The following RSAD1 variants were observed in gnomAD, a reference collection of about 807,000 sequenced individuals.
The protein encoded by RSAD1 is radical S-adenosyl methionine domain-containing protein 1, mitochondrial.
A neutral mutation model predicts 46.2 loss-of-function variants in RSAD1; 34 were observed. The observed-to-expected ratio is 0.74, with a 90% CI of 0.56 to 0.98. The LOEUF is 0.98. RSAD1 is among the 50% of genes least tolerant of loss of function. The pLI, the probability that RSAD1 is intolerant of heterozygous loss-of-function variation, is 0.00. For missense variants in RSAD1, 635 were observed against 592.3 expected (o/e 1.07, Z -0.75); for synonymous variants, 260 against 253.5 (o/e 1.03, Z -0.24).
At chr17:50,484,293 G>T in intron 7 of RSAD1, 149 bp from the exon 8 acceptor site, 1 of 642,306 alleles carries the variant, frequency 1.6e-6, no homozygotes, top group Non-Finnish European at 2.7e-6. Flanking sequence ...CCTCCCTGCT[G>T]GCCCATTGGC....
Position 50,480,336 on chromosome 17 carries a change from G to T in RSAD1, c.474+252G>T, listed in dbSNP as rs945166392. On this transcript the variant is annotated intron_variant, in intron 3 of 8. Transcript: ENST00000258955. ...TACCATAGTGCCTGGCACATAGTAG[G>T]TGGTCAAAAAAGATTTGCTACATGA... 12 of 522,754 alleles carry T rather than the reference G, an allele frequency of 2.3e-5. No individual in the cohort carries two copies. The Admixed American group carries it at 3.6e-4, about 16-fold the overall frequency. 32.4% of individuals were successfully genotyped at this position (522,754 alleles called of 1,614,324 possible). A position where few individuals can be genotyped will look rare whatever the true frequency, so the allele number is the denominator to read the frequency against.
At chr17:50,479,578 T>C (rs2033353217) in intron 1 of RSAD1, 51 bp from the exon 2 acceptor site, 3 of 1,609,794 alleles carry the variant, frequency 1.9e-6, no homozygotes, top group Non-Finnish European at 1.7e-6. Flanking sequence ...GACTGAACCC[T>C]GGAAGTGGCC....
intron 7 of RSAD1, 116 bp downstream of exon 7, chr17:50,483,876 T>C (rs1170748965): frequency 1.9e-6 from 2 of 1,031,300 alleles, no homozygotes; most frequent in Admixed American, 2.9e-5. Context: ...GATTGGCAGC[T>C]AGAAGTGGGG....
chr17:50,479,164 C>T (rs1217159592), intron 1 of RSAD1, 145 bp downstream of exon 1: 3 of 912,616 alleles, frequency 3.3e-6, no homozygotes, highest in Non-Finnish European at 2.9e-6. Flanking sequence ...TGGGATGGGA[C>T]CCTGTGCTTT....
At chr17:50,483,209 G>GAA (rs1200510296) in intron 5 of RSAD1, 131 bp from the exon 6 acceptor site, 21 of 619,284 alleles carry the variant, frequency 3.4e-5, no homozygotes, top group Admixed American at 5.4e-5. Flanking sequence ...AAGAAAGAAA[G>GAA]AAAAGAAAAG....
At chr17:50,480,371 C>T (rs1038657377) in intron 3 of RSAD1, 25 of 444,744 alleles carry the variant, frequency 5.6e-5, no homozygotes, top group South Asian at 1.5e-4. Flanking sequence ...ACACGGGAGA[C>T]GCAGACATGT....
rs115386193 is a variant in RSAD1 at position 50,484,649 on chromosome 17, C to T, written c.1212-95C>T. 18 of 1,498,478 alleles carry T rather than the reference C, an allele frequency of 1.2e-5. No individual in the cohort carries two copies. The highest frequency in any genetic ancestry group is 6.9e-5 in the African/African-American group (5 of 72,748). The allele number at this position is 1,498,478 out of a possible 1,614,324, so 92.8% of individuals were successfully genotyped here. The stretch of plus-strand genomic sequence containing the variant: ...AAGTGAGAAAGACTGACTGGTAAGG[C>T]GGGACCTGCGGGTGCTGGGAGCTCG... On this transcript the variant is annotated intron_variant, in intron 8 of 8. Coordinates refer to ENST00000258955, the MANE Select transcript of RSAD1 (RefSeq NM_018346.3).
intron 1 of RSAD1, chr17:50,479,352 T>G: frequency 2.0e-6 from 1 of 493,458 alleles, no homozygotes; most frequent in Non-Finnish European, 3.5e-6. Context: ...TGTATGAAAA[T>G]TATATGATCC....
At position 50,482,672 on chromosome 17, in the gene RSAD1, C is replaced by T; in HGVS notation, c.870C>T (p.Tyr290=). The change falls in exon 5 of 9, where the codon TAC becomes TAT. Residue 290 remains tyrosine (Y), a synonymous_variant. Coordinates refer to ENST00000258955, the MANE Select transcript of RSAD1 (RefSeq NM_018346.3). ...NGALSTHNWT[Y]WQCGQYLGVG... is the part of the protein sequence containing the mutation. ...CGCTCAGTACCCACAATTGGACTTA[C>T]TGGCAGTGTGGTCAGTACCTTGGCG... is the stretch of plus-strand genomic sequence containing the variant. 1 of 1,614,208 alleles carries T rather than the reference C, an allele frequency of 6.2e-7. No homozygotes were observed. Among genetic ancestry groups the T allele is most frequent in the Non-Finnish European group, 8.5e-7 (1 of 1,180,026 alleles).
At chr17:50,481,602 A>G (rs1457519413) in intron 3 of RSAD1, among the ~76,000 whole-genome samples, 1 of 152,256 alleles carries the variant, frequency 6.6e-6, no homozygotes, top group South Asian at 2.1e-4. Flanking sequence ...TTACTGTTAA[A>G]TGATTCAGCA....
Position 50,480,097 on chromosome 17 carries a change from A to C in RSAD1, c.474+13A>C, listed in dbSNP as rs2143831991. 6.2e-7 allele frequency: 1 copy of C among 1,612,954 alleles called. No homozygotes were observed. The highest frequency in any genetic ancestry group is 8.5e-7 in the Non-Finnish European group (1 of 1,179,528). On this transcript the variant is annotated intron_variant, in intron 3 of 8. Transcript: ENST00000258955. ...TATAGGCCTCCAGGTAACCCATGGC[A>C]CTCACCCCATCCCAGTGCACCCCGC...
intron 3 of RSAD1, 162 bp downstream of exon 3, chr17:50,480,246 C>T (rs533304900): frequency 8.7e-6 from 6 of 689,380 alleles, no homozygotes; most frequent in African/African-American, 1.8e-5. Context: ...TAATTGTCTG[C>T]TGCTGTCATA....
Position 50,482,383 on chromosome 17 carries a change from T to C in RSAD1, c.767T>C (p.Met256Thr), listed in dbSNP as rs147169519. 2.5e-6 allele frequency: 4 copies of C among 1,606,190 alleles called. No homozygotes were observed. The highest frequency in any genetic ancestry group is 3.4e-6 in the Non-Finnish European group (4 of 1,176,868). The change falls in exon 4 of 9, where the codon ATG becomes ACG. Residue 256 changes from methionine to threonine, a missense_variant. Met to Thr is a moderately conservative substitution (Grantham distance 81). Coordinates refer to ENST00000258955, the MANE Select transcript of RSAD1 (RefSeq NM_018346.3). ...PAPDPELAAE[M>T]YQRGRAVLRE... ...CCTGACCCGGAGCTCGCAGCTGAGA[T>C]GTACCAGAGGGGCCGGGCTGTCCTT... is the stretch of plus-strand genomic sequence containing the variant.
At position 50,482,357 on chromosome 17, in the gene RSAD1, C is replaced by A. The variant is rs1402120708; in HGVS notation, c.741C>A (p.Ala247=). 1.9e-6 allele frequency: 3 copies of A among 1,611,740 alleles called. No homozygotes were observed. The African/African-American group carries it at 4.0e-5, about 22-fold the overall frequency. Reference sequence around the variant, plus strand: ...AGGTGCAGCGGGGTGCCCTTCCAGCCCCTGACCCGGAGCTCGCAGCTGAGA... The same window carrying A: ...AGGTGCAGCGGGGTGCCCTTCCAGCACCTGACCCGGAGCTCGCAGCTGAGA... ...FAQVQRGALP[A]PDPELAAEMY... Residue 247 remains alanine (A), a synonymous_variant, in exon 4 of 9, where the codon GCC becomes GCA. Transcript: ENST00000258955.
chr17:50,483,160 G>A (rs1247544914), intron 5 of RSAD1, among the ~76,000 whole-genome samples, 180 bp from the exon 6 acceptor site: 3 of 97,182 alleles, frequency 3.1e-5, no homozygotes, highest in African/African-American at 1.3e-4. Flanking sequence ...GCAGTATAGT[G>A]AGACACCACC....
At position 50,483,929 on chromosome 17, in the gene RSAD1, T is replaced by C. The variant is rs1598445139; in HGVS notation, c.1107+169T>C. 1.9e-5 allele frequency: 12 copies of C among 647,450 alleles called. No homozygotes were observed. In the East Asian group the frequency reaches 3.4e-4, roughly 18 times the overall value. The allele number at this position is 647,450 out of a possible 1,614,324, so 40.1% of individuals were successfully genotyped here. On this transcript the variant is annotated intron_variant, in intron 7 of 8. Transcript: ENST00000258955. ...CCTGATGGGCAGAAGCAGTGAGCAG[T>C]GGTGCATAGCTAAGAACCCTAGACC... is the stretch of plus-strand genomic sequence containing the variant.
intron 7 of RSAD1, 93 bp from the exon 8 acceptor site, chr17:50,484,349 A>T (rs2033423108): frequency 1.8e-6 from 2 of 1,099,816 alleles, no homozygotes; most frequent in Non-Finnish European, 2.7e-6. Context: ...CTCCATGCTG[A>T]ACTGGACCCT....
rs137932823 is a variant in RSAD1, at chr17:50,482,361, G to C, written c.745G>C (p.Asp249His). Residue 249 changes from aspartate (D) to histidine (H), a missense_variant, in exon 4 of 9, where the codon GAC (aspartate) becomes CAC (histidine). Asp to His is a moderately conservative substitution (Grantham distance 81). Coordinates refer to ENST00000258955, the MANE Select transcript of RSAD1 (RefSeq NM_018346.3). Reference sequence around the variant, plus strand: ...GCAGCGGGGTGCCCTTCCAGCCCCTGACCCGGAGCTCGCAGCTGAGATGTA... The same window carrying C: ...GCAGCGGGGTGCCCTTCCAGCCCCTCACCCGGAGCTCGCAGCTGAGATGTA... ...QVQRGALPAP[D>H]PELAAEMYQR... The C allele has an allele frequency of 7.7e-4, 1,238 of 1,611,512 alleles. 3 individuals are homozygous for C. The highest frequency in any genetic ancestry group is 9.9e-4 in the Non-Finnish European group (1,171 of 1,178,976).
At position 50,483,405 on chromosome 17, in the gene RSAD1, C is replaced by T. The variant is rs768604935; in HGVS notation, c.970C>T (p.Leu324=). The change falls in exon 6 of 9, where the codon CTG becomes TTG. Residue 324 remains leucine (L), a synonymous_variant. Coordinates refer to ENST00000258955, the MANE Select transcript of RSAD1 (RefSeq NM_018346.3). ...GHTREARIQT[L]EPDNWMKEVM... ...CACCCGGGAGGCTCGGATCCAGACA[C>T]TGGAGCCTGACAACTGGATGAAGGA... 6.2e-7 allele frequency: 1 copy of T among 1,613,974 alleles called. No homozygotes were observed. Among genetic ancestry groups the T allele is most frequent in the Admixed American group, 1.7e-5 (1 of 60,008 alleles).
Sources: allele counts gnomAD v4.1 joint callset (sites outside exome capture counted in the v4.1 genomes callset), GRCh38; gene constraint gnomAD v4.1.1; transcripts MANE v1.5; gene names NCBI Gene and HGNC (gene_info 2026-07-23, HGNC 2026-07-21).